Variants in TDRD5 observed in about 807,000 individuals in gnomAD.
The protein encoded by TDRD5 is tudor domain containing 5.
Under a neutral mutation model 120.6 loss-of-function variants are expected in TDRD5, and 41 were observed. The ratio of observed to expected loss-of-function variants is 0.34; its 90% CI spans 0.26 to 0.44. The LOEUF (loss-of-function observed/expected upper bound fraction) is 0.44. Among genes scored for constraint, TDRD5 ranks in the 20% least tolerant of loss-of-function variants. The pLI, the probability that TDRD5 is intolerant of heterozygous loss-of-function variation, is 1.00. For missense variants in TDRD5, 1,006 were observed against 1,221.2 expected (o/e 0.82, Z 2.63); for synonymous variants, 430 against 433.7 (o/e 0.99, Z 0.11).
In TDRD5 at chr1:179,630,880, C is replaced by A; in HGVS notation, c.1086C>A (p.Asp362Glu). The change falls in exon 7 of 18, where the codon GAC (aspartate) becomes GAA (glutamate). Residue 362 changes from aspartate to glutamate, a missense_variant. Physicochemically the swap from Asp to Glu is conservative, Grantham distance 45. Coordinates refer to ENST00000444136, the MANE Select transcript of TDRD5 (RefSeq NM_001199085.3). ...LHVEFRKGHQ[D>E]LLVFDADKKP... is the part of the protein sequence containing the mutation. ...TTGAGTTCAGGAAAGGACACCAAGACTTACTAGTGTTTGATGCGGATAAGA... is the reference window on the plus strand; with the variant it reads ...TTGAGTTCAGGAAAGGACACCAAGAATTACTAGTGTTTGATGCGGATAAGA... 2 of 1,613,826 alleles carry A rather than the reference C, an allele frequency of 1.2e-6. No individual in the cohort carries two copies. The highest frequency in any genetic ancestry group is 1.7e-6 in the Non-Finnish European group (2 of 1,179,862).
chr1:179,620,143 CAT>C (rs1292059217), intron 5 of TDRD5, among the ~76,000 whole-genome samples: 6 of 152,116 alleles, frequency 3.9e-5, no homozygotes, highest in African/African-American at 9.7e-5. Flanking sequence ...CCATGAATAA[CAT>C]GTGCACACAT....
At chr1:179,663,683 G>A (rs1433899579) in intron 16 of TDRD5, among the ~76,000 whole-genome samples, 192 bp downstream of exon 16, 1 of 152,092 alleles carries the variant, frequency 6.6e-6, no homozygotes, top group African/African-American at 2.4e-5. Flanking sequence ...TTGCACCCCA[G>A]AATACTTGTG....
At chr1:179,647,905 TCACAC>T (rs1406212507) in intron 11 of TDRD5, among the ~76,000 whole-genome samples, 1 of 149,216 alleles carries the variant, frequency 6.7e-6, no homozygotes, top group Non-Finnish European at 1.5e-5. Context: ...AGATACCATC[TCACAC>T]CAGTTAGAAT....
intron 16 of TDRD5, among the ~76,000 whole-genome samples, chr1:179,665,368 A>G (rs1263456745): frequency 2.0e-5 from 3 of 152,140 alleles, no homozygotes; most frequent in Non-Finnish European, 2.9e-5. Flanking sequence ...TAAGCATTTT[A>G]TAATTTTAGC....
At chr1:179,663,513 T>C (rs1435791910) in intron 16 of TDRD5, 22 bp downstream of exon 16, 2 of 1,589,930 alleles carry the variant, frequency 1.3e-6, no homozygotes, top group East Asian at 4.5e-5. Flanking sequence ...ATGCAGGTTA[T>C]TGGGACAGGT....
At chr1:179,602,058 G>A (rs564160426) in intron 4 of TDRD5, among the ~76,000 whole-genome samples, 6 of 152,274 alleles carry the variant, frequency 3.9e-5, no homozygotes, top group African/African-American at 1.2e-4. Flanking sequence ...CACCCACCTC[G>A]GCCTCCCAAA....
At position 179,592,094 on chromosome 1, in the gene TDRD5, G is replaced by C. The variant is rs1379338478; in HGVS notation, c.-46G>C. The C allele has an allele frequency of 6.5e-6, 1 of 153,418 alleles. No homozygotes were observed. The highest frequency in any genetic ancestry group is 6.5e-5 in the Admixed American group (1 of 15,468). 9.5% of individuals were successfully genotyped at this position (153,418 alleles called of 1,614,324 possible). A position where few individuals can be genotyped will look rare whatever the true frequency, so the allele number is the denominator to read the frequency against. ...CCGTGAGGGTCACCGAGAGACGTTG[G>C]GGGTGGGGCAGGGACCCCAACCCTA... On this transcript the variant is annotated 5_prime_UTR_variant, in exon 1 of 18. Transcript: ENST00000444136.
intron 4 of TDRD5, among the ~76,000 whole-genome samples, chr1:179,617,356 A>G (rs1558382167): frequency 6.6e-6 from 1 of 152,136 alleles, no homozygotes; most frequent in Non-Finnish European, 1.5e-5. Context: ...TCATGCTCAC[A>G]CCATGTGCCA....
chr1:179,630,241 C>T (rs1323812446), intron 6 of TDRD5, among the ~76,000 whole-genome samples: 1 of 152,214 alleles, frequency 6.6e-6, no homozygotes, highest in African/African-American at 2.4e-5. Context: ...TCGTGATCCA[C>T]CTGCCTCGGC....
chr1:179,622,362 C>T (rs1413693954), intron 6 of TDRD5, among the ~76,000 whole-genome samples: 1 of 152,166 alleles, frequency 6.6e-6, no homozygotes, highest in African/African-American at 2.4e-5. Context: ...TACAATACAT[C>T]TATCATGATG....
At chr1:179,640,153 C>G in intron 10 of TDRD5, 102 bp downstream of exon 10, 1 of 1,279,436 alleles carries the variant, frequency 7.8e-7, no homozygotes, top group Non-Finnish European at 1.1e-6. Context: ...CTTCCTCCCT[C>G]CAATCCTTCC....
intron 17 of TDRD5, among the ~76,000 whole-genome samples, chr1:179,689,928 C>T (rs1047766918): frequency 6.6e-5 from 10 of 152,150 alleles, no homozygotes; most frequent in African/African-American, 2.4e-4. Flanking sequence ...GTAGGAGTGA[C>T]CCGATTTTCC....
chr1:179,635,999 T>A (rs541290325), intron 9 of TDRD5, 112 bp downstream of exon 9: 60 of 730,792 alleles, frequency 8.2e-5, no homozygotes, highest in African/African-American at 2.7e-4. Context: ...AGCTTTTTTT[T>A]ATCAGTATTT....
At chr1:179,623,976 A>G (rs977633310) in intron 6 of TDRD5, among the ~76,000 whole-genome samples, 1 of 152,118 alleles carries the variant, frequency 6.6e-6, no homozygotes, top group Admixed American at 6.6e-5. Flanking sequence ...TCCTGCTACT[A>G]AAGCTTGACA....
intron 4 of TDRD5, 125 bp downstream of exon 4, chr1:179,595,943 C>T (rs1675368998): frequency 1.0e-6 from 1 of 957,136 alleles, no homozygotes; most frequent in East Asian, 2.9e-5. Flanking sequence ...TCAAATTTGA[C>T]TAAGCATTTC....
At chr1:179,681,418 G>T (rs533332646) in intron 17 of TDRD5, among the ~76,000 whole-genome samples, 4 of 152,088 alleles carry the variant, frequency 2.6e-5, no homozygotes, top group Non-Finnish European at 5.9e-5. Flanking sequence ...CCAATTCTTG[G>T]ATTGGATATC....
intron 17 of TDRD5, among the ~76,000 whole-genome samples, chr1:179,683,571 A>G (rs1309925552): frequency 2.0e-5 from 3 of 152,234 alleles, no homozygotes; most frequent in Non-Finnish European, 2.9e-5. Context: ...AACATATACT[A>G]CATGTTACTC....
intron 2 of TDRD5, among the ~76,000 whole-genome samples, chr1:179,593,058 C>G (rs1675202597): frequency 6.6e-6 from 1 of 152,258 alleles, no homozygotes; most frequent in Admixed American, 6.5e-5. Context: ...CGTGCACTCA[C>G]AAAAGCTACA....
chr1:179,690,578 G>C, intron 17 of TDRD5, 118 bp from the exon 18 acceptor site: 1 of 1,394,770 alleles, frequency 7.2e-7, no homozygotes, highest in Non-Finnish European at 9.6e-7. Flanking sequence ...ATTGGTAATT[G>C]TCGCTACCTA....
Sources: gnomAD v4.1 joint callset for allele counts (sites outside exome capture counted in the v4.1 genomes callset) on GRCh38, gnomAD v4.1.1 for gene constraint, MANE v1.5 for transcripts, NCBI Gene and HGNC (gene_info 2026-07-23, HGNC 2026-07-21) for gene names.